HYDIN: variants seen among roughly 807,000 people sequenced by gnomAD.
HYDIN encodes the protein HYDIN axonemal central pair apparatus protein, also known as axonemal central pair apparatus protein HYDIN.
In HYDIN, 132 loss-of-function variants were observed where a neutral mutation model predicts 403.9. That is an observed-to-expected ratio of 0.33 (90% CI 0.28 to 0.38). The LOEUF is 0.38. HYDIN is among the 10% of genes least tolerant of loss of function. HYDIN has a pLI of 1.00. For synonymous variants in HYDIN, 1,202 were observed against 1,891.7 expected (o/e 0.64, Z 9.46); for missense variants, 2,827 against 5,009.5 (o/e 0.56, Z 13.15).
At chr16:70,811,739 C>A (rs1342738337) in intron 84 of HYDIN, among the ~76,000 whole-genome samples, 1 of 152,010 alleles carries the variant, frequency 6.6e-6, no homozygotes, top group East Asian at 1.9e-4. Context: ...TGCCTGTGAT[C>A]TTAGCTACTC....
At chr16:70,836,267 GC>G (rs2037420213) in intron 77 of HYDIN, among the ~76,000 whole-genome samples, 1 of 152,190 alleles carries the variant, frequency 6.6e-6, no homozygotes, top group Non-Finnish European at 1.5e-5. Context: ...AGAGGGAGTG[GC>G]CCAGTGAAGG....
At chr16:70,901,270 C>G in intron 52 of HYDIN, 68 bp from the exon 53 acceptor site, 1 of 1,339,064 alleles carries the variant, frequency 7.5e-7, no homozygotes, top group Non-Finnish European at 1.0e-6. Context: ...TTTTTTTTAA[C>G]TTTTGTTTTA....
At chr16:71,116,230 C>T (rs918657231) in intron 9 of HYDIN, among the ~76,000 whole-genome samples, 4 of 97,834 alleles carry the variant, frequency 4.1e-5, no homozygotes, top group South Asian at 4.0e-4. Flanking sequence ...TGAGTTAGAC[C>T]TTTTTTTTTT....
At position 71,067,343 on chromosome 16, in the gene HYDIN, C is replaced by T. The variant is rs1319726523; in HGVS notation, c.2022G>A (p.Val674=). Residue 674 remains valine (V), a synonymous_variant, in exon 15 of 86, where the codon GTG becomes GTA. Coordinates refer to ENST00000393567, the MANE Select transcript of HYDIN (RefSeq NM_001270974.2). ...CTTCTCCGATGCCCTCCACGTCCAC[C>T]ACGAGTGCCAGCTCGTATTTCTGCA... ...NTVQKYELAL[V]VDVEGIGEEV... is the part of the protein sequence containing the mutation. 6.2e-7 allele frequency: 1 copy of T among 1,613,408 alleles called. No homozygotes were observed. The highest frequency in any genetic ancestry group is 1.1e-5 in the South Asian group (1 of 91,012).
At chr16:71,163,762 G>C (rs1052137363) in intron 5 of HYDIN, among the ~76,000 whole-genome samples, 1 of 152,238 alleles carries the variant, frequency 6.6e-6, no homozygotes, top group Non-Finnish European at 1.5e-5. Context: ...CCTGATGAGA[G>C]GGCCCAGGCA....
chr16:70,853,431 CA>C (rs2038799067), intron 73 of HYDIN, among the ~76,000 whole-genome samples: 1 of 147,992 alleles, frequency 6.8e-6, no homozygotes, highest in Admixed American at 6.7e-5. Flanking sequence ...TAGCTTTATT[CA>C]TAACAGCCCA....
At chr16:70,931,648 G>C (rs957816326) in intron 45 of HYDIN, among the ~76,000 whole-genome samples, 1 of 152,086 alleles carries the variant, frequency 6.6e-6, no homozygotes, top group Admixed American at 6.5e-5. Context: ...AGAATCACCA[G>C]CAGATTTCAT....
intron 10 of HYDIN, among the ~76,000 whole-genome samples, chr16:71,114,652 A>G (rs1046436306): frequency 1.4e-5 from 2 of 142,832 alleles, no homozygotes; most frequent in Admixed American, 7.1e-5. Flanking sequence ...ATTTACATGT[A>G]TATTTATTTT....
chr16:71,079,366 A>AAGTT (rs923385352), intron 13 of HYDIN, among the ~76,000 whole-genome samples: 8 of 146,442 alleles, frequency 5.5e-5, no homozygotes, highest in African/African-American at 1.5e-4. Flanking sequence ...TATTAGATAC[A>AAGTT]AGTTAGTTAG....
chr16:71,090,459 G>A (rs1292083649), intron 11 of HYDIN: 2 of 152,026 alleles, frequency 1.3e-5, no homozygotes, highest in African/African-American at 4.8e-5. Context: ...GGCAAATAGT[G>A]CTTAAAAATG....
chr16:70,941,498 G>C, intron 43 of HYDIN, 138 bp downstream of exon 43: 1 of 538,870 alleles, frequency 1.9e-6, no homozygotes, highest in Non-Finnish European at 3.0e-6. Context: ...CTTCCCAGCC[G>C]GCCACTCGCG....
rs530000205 is a variant in HYDIN, at chr16:71,067,325, G to T, written c.2040C>A (p.Ile680=). 3.7e-6 allele frequency: 6 copies of T among 1,613,110 alleles called. No individual in the cohort carries two copies. Among genetic ancestry groups the T allele is most frequent in the Non-Finnish European group, 5.1e-6 (6 of 1,179,462 alleles). The change falls in exon 15 of 86, where the codon ATC becomes ATA. Residue 680 remains isoleucine, a synonymous_variant. Transcript: ENST00000393567. ...ELALVVDVEG[I]GEEVLALLIT... ...TTAAGAGCGCCAGCACCTCTTCTCC[G>T]ATGCCCTCCACGTCCACCACGAGTG...
intron 9 of HYDIN, among the ~76,000 whole-genome samples, chr16:71,117,336 A>G (rs2883905): frequency 7.1e-6 from 1 of 140,606 alleles, no homozygotes; most frequent in African/African-American, 2.7e-5. Flanking sequence ...TTAACTATGT[A>G]ATCTGCGGCC....
At chr16:70,925,809 T>G (rs112912897) in intron 45 of HYDIN, among the ~76,000 whole-genome samples, 45 of 152,114 alleles carry the variant, frequency 3.0e-4, no homozygotes, top group African/African-American at 9.9e-4. Context: ...AGGACATGAA[T>G]AGACACTTCT....
chr16:70,817,674 T>C (rs1167312335), intron 84 of HYDIN, among the ~76,000 whole-genome samples: 1 of 152,240 alleles, frequency 6.6e-6, no homozygotes, highest in Non-Finnish European at 1.5e-5. Flanking sequence ...AGTGTGTGTG[T>C]GCGCACACTA....
chr16:70,819,272 C>T (rs1363546641), intron 83 of HYDIN, among the ~76,000 whole-genome samples: 1 of 151,870 alleles, frequency 6.6e-6, no homozygotes, highest in Non-Finnish European at 1.5e-5. Flanking sequence ...ACAACAATAG[C>T]ATCTGACACT....
intron 3 of HYDIN, among the ~76,000 whole-genome samples, chr16:71,182,045 T>C (rs965114134): frequency 2.6e-5 from 4 of 152,106 alleles, no homozygotes. Flanking sequence ...AGAATAGCAC[T>C]CCAGTTAGAA....
intron 45 of HYDIN, among the ~76,000 whole-genome samples, chr16:70,926,593 CT>C (rs2077161344): frequency 1.3e-5 from 2 of 151,582 alleles, no homozygotes; most frequent in South Asian, 4.2e-4. Flanking sequence ...CACATGTACC[CT>C]AAAACTTAAA....
chr16:70,991,931 C>T (rs2144046052), intron 24 of HYDIN, 139 bp downstream of exon 24: 5 of 1,427,116 alleles, frequency 3.5e-6, no homozygotes, highest in African/African-American at 1.4e-5. Flanking sequence ...TAGTCTGGGG[C>T]CTACACATAG....
Sources: allele counts gnomAD v4.1 joint callset (sites outside exome capture counted in the v4.1 genomes callset), GRCh38; gene constraint gnomAD v4.1.1; transcripts MANE v1.5; gene names NCBI Gene and HGNC (gene_info 2026-07-23, HGNC 2026-07-21).